QTMAN: variants seen among roughly 807,000 people sequenced by gnomAD.
The protein encoded by QTMAN is tRNA-queuosine alpha-mannosyltransferase.
chr2:144,231,452 A>G, the QTMAN span, among the ~76,000 whole-genome samples: 3 of 152,026 alleles, frequency 2.0e-5, no homozygotes, highest in Non-Finnish European at 4.4e-5. Flanking sequence ...TTTTACAAAT[A>G]TAATGATTAA....
the QTMAN span, among the ~76,000 whole-genome samples, chr2:143,988,588 A>T: frequency 6.6e-6 from 1 of 152,248 alleles, no homozygotes; most frequent in African/African-American, 2.4e-5. Flanking sequence ...CAACAACTCT[A>T]CGAGGTAGAT....
At chr2:144,086,366 C>T in the QTMAN span, among the ~76,000 whole-genome samples, 2 of 152,082 alleles carry the variant, frequency 1.3e-5, no homozygotes, top group Non-Finnish European at 2.9e-5. Context: ...AGGCTGGTCT[C>T]GAACTCTGGG....
the QTMAN span, among the ~76,000 whole-genome samples, chr2:144,311,284 G>C: frequency 6.6e-6 from 1 of 152,158 alleles, no homozygotes; most frequent in Non-Finnish European, 1.5e-5. Flanking sequence ...TGCTTCTTAG[G>C]ATATGTAAAA....
At chr2:144,148,914 T>G in the QTMAN span, among the ~76,000 whole-genome samples, 2 of 151,954 alleles carry the variant, frequency 1.3e-5, no homozygotes, top group Non-Finnish European at 2.9e-5. Flanking sequence ...TAGTTTTAAA[T>G]AGTGGAAATT....
the QTMAN span, among the ~76,000 whole-genome samples, chr2:144,263,089 G>A: frequency 3.3e-5 from 5 of 151,776 alleles, no homozygotes; most frequent in Non-Finnish European, 5.9e-5. Context: ...CCATAGTCGA[G>A]TTGACACATG....
At chr2:144,271,258 T>C in the QTMAN span, among the ~76,000 whole-genome samples, 3 of 152,176 alleles carry the variant, frequency 2.0e-5, no homozygotes, top group Non-Finnish European at 4.4e-5. Flanking sequence ...CATCATGTCA[T>C]AAAACATGAC....
the QTMAN span, among the ~76,000 whole-genome samples, chr2:144,218,915 T>TAAAAAAA: frequency 2.4e-4 from 13 of 54,614 alleles, no homozygotes; most frequent in East Asian, 5.4e-4. Flanking sequence ...GGAAAGTATC[T>TAAAAAAA]AAAAAAAAAA....
the QTMAN span, among the ~76,000 whole-genome samples, chr2:143,966,366 T>C: frequency 1.3e-5 from 2 of 152,374 alleles, no homozygotes; most frequent in South Asian, 2.1e-4. Context: ...TCTATCATTT[T>C]TAAGGAATGT....
the QTMAN span, among the ~76,000 whole-genome samples, chr2:143,987,750 G>C: frequency 6.6e-6 from 1 of 152,232 alleles, no homozygotes; most frequent in East Asian, 1.9e-4. Context: ...TTATTAAACA[G>C]AAATGCAATG....
At chr2:144,167,615 T>G in the QTMAN span, among the ~76,000 whole-genome samples, 1 of 152,108 alleles carries the variant, frequency 6.6e-6, no homozygotes, top group African/African-American at 2.4e-5. Flanking sequence ...CCATTTCCTC[T>G]GCTTGCACTT....
chr2:144,041,729 C>T, the QTMAN span, among the ~76,000 whole-genome samples: 1 of 152,078 alleles, frequency 6.6e-6, no homozygotes, highest in South Asian at 2.1e-4. Context: ...GTGTTGAGGG[C>T]CAGTTCAGAG....
the QTMAN span, among the ~76,000 whole-genome samples, chr2:144,169,531 C>A: frequency 6.6e-6 from 1 of 151,816 alleles, no homozygotes; most frequent in Non-Finnish European, 1.5e-5. Context: ...GGATTTAATT[C>A]TTTTTTATTA....
chr2:144,006,573 G>T, the QTMAN span: 2 of 152,076 alleles, frequency 1.3e-5, no homozygotes. Flanking sequence ...CTAATTTATA[G>T]GAGCCAGGGT....
the QTMAN span, among the ~76,000 whole-genome samples, chr2:144,032,490 G>A: frequency 6.6e-6 from 1 of 152,242 alleles, no homozygotes; most frequent in Non-Finnish European, 1.5e-5. Context: ...AAAGAGCCAT[G>A]TACGTCATGA....
chr2:144,207,499 T>C, the QTMAN span, among the ~76,000 whole-genome samples: 1 of 152,204 alleles, frequency 6.6e-6, no homozygotes, highest in African/African-American at 2.4e-5. Flanking sequence ...TCTAAGAACC[T>C]ATCTGCTCTA....
the QTMAN span, among the ~76,000 whole-genome samples, chr2:144,225,811 A>AT: frequency 1.3e-5 from 2 of 152,102 alleles, no homozygotes; most frequent in Non-Finnish European, 2.9e-5. Context: ...CTTTTACCCC[A>AT]TTTACAGCAG....
the QTMAN span, chr2:144,178,699 C>G: frequency 1.6e-5 from 4 of 254,586 alleles, no homozygotes; most frequent in African/African-American, 9.3e-5. Context: ...GCTATTCATC[C>G]CCTCAGGTAG....
the QTMAN span, among the ~76,000 whole-genome samples, chr2:144,028,200 C>T: frequency 1.3e-5 from 2 of 152,108 alleles, no homozygotes; most frequent in Non-Finnish European, 2.9e-5. Context: ...CTGGCATGAT[C>T]CTTTCTAAAA....
chr2:144,308,714 C>T, the QTMAN span, among the ~76,000 whole-genome samples: 1 of 151,744 alleles, frequency 6.6e-6, no homozygotes, highest in South Asian at 2.1e-4. Context: ...GCCTGTAATC[C>T]CAGTCCTGAC....
Sources: gnomAD v4.1 joint callset for allele counts (sites outside exome capture counted in the v4.1 genomes callset) on GRCh38, gnomAD v4.1.1 for gene constraint, MANE v1.5 for transcripts, NCBI Gene and HGNC (gene_info 2026-07-23, HGNC 2026-07-21) for gene names.